ADGRB3: variants seen among roughly 807,000 people sequenced by gnomAD.
ADGRB3 encodes brain-specific angiogenesis inhibitor 3.
In ADGRB3, 37 loss-of-function variants were observed where a neutral mutation model predicts 193.4. The ratio of observed to expected loss-of-function variants is 0.19; its 90% CI spans 0.15 to 0.25. The LOEUF is 0.25. Among genes scored for constraint, ADGRB3 ranks in the 10% least tolerant of loss-of-function variants. The pLI, the probability that ADGRB3 is intolerant of heterozygous loss-of-function variation, is 1.00. For missense variants in ADGRB3, 1,637 were observed against 1,852.9 expected (o/e 0.88, Z 2.14); for synonymous variants, 690 against 644.2 (o/e 1.07, Z -1.08).
intron 15 of ADGRB3, among the ~76,000 whole-genome samples, chr6:69,051,904 T>C (rs1771405527): frequency 6.6e-6 from 1 of 151,640 alleles, no homozygotes; most frequent in Admixed American, 6.6e-5. Flanking sequence ...ATTAATTTTC[T>C]TTTTTTTTGA....
intron 3 of ADGRB3, among the ~76,000 whole-genome samples, chr6:68,746,478 T>C (rs1351432601): frequency 1.3e-5 from 2 of 152,104 alleles, no homozygotes; most frequent in African/African-American, 4.8e-5. Flanking sequence ...CTGGAATTTG[T>C]TTGAAATACA....
intron 3 of ADGRB3, among the ~76,000 whole-genome samples, chr6:68,890,275 G>A (rs1467989326): frequency 6.6e-6 from 1 of 152,148 alleles, no homozygotes; most frequent in African/African-American, 2.4e-5. Flanking sequence ...AATCACTTGA[G>A]AATTTTACTC....
chr6:69,283,414 C>T (rs1043194399), intron 20 of ADGRB3, among the ~76,000 whole-genome samples: 8 of 152,116 alleles, frequency 5.3e-5, no homozygotes, highest in Admixed American at 2.6e-4. Flanking sequence ...GATCTTTTAA[C>T]AGTTGCCATA....
intron 31 of ADGRB3, among the ~76,000 whole-genome samples, chr6:69,386,297 T>C (rs1335818730): frequency 6.6e-6 from 1 of 152,118 alleles, no homozygotes; most frequent in East Asian, 1.9e-4. Context: ...GGAGCCCCTA[T>C]ATATTCCAAG....
intron 24 of ADGRB3, among the ~76,000 whole-genome samples, chr6:69,333,582 A>C (rs184309240): frequency 3.7e-4 from 56 of 151,996 alleles, no homozygotes; most frequent in Admixed American, 3.7e-3. Context: ...TAACCTCATA[A>C]AATTTAGAAA....
chr6:68,851,062 T>C (rs375922922), intron 3 of ADGRB3, among the ~76,000 whole-genome samples: 2 of 151,970 alleles, frequency 1.3e-5, no homozygotes, highest in Non-Finnish European at 2.9e-5. Flanking sequence ...TTTTGGACAC[T>C]TGGCTTTGCT....
intron 3 of ADGRB3, among the ~76,000 whole-genome samples, chr6:68,847,511 T>TTC (rs1261349006): frequency 6.6e-6 from 1 of 152,196 alleles, no homozygotes; most frequent in African/African-American, 2.4e-5. Context: ...TCTCATGCTA[T>TTC]TCTCATGATA....
chr6:69,103,447 G>T (rs1407922569), intron 17 of ADGRB3, among the ~76,000 whole-genome samples: 1 of 152,090 alleles, frequency 6.6e-6, no homozygotes, highest in East Asian at 1.9e-4. Flanking sequence ...CATAACTAGA[G>T]TATGCCAACT....
chr6:68,898,169 A>G (rs544435272), intron 3 of ADGRB3, among the ~76,000 whole-genome samples: 4 of 151,894 alleles, frequency 2.6e-5, no homozygotes, highest in Non-Finnish European at 5.9e-5. Flanking sequence ...CCAAATCCCA[A>G]GGCCTGAGAA....
intron 17 of ADGRB3, among the ~76,000 whole-genome samples, chr6:69,178,543 G>T (rs1479439554): frequency 1.3e-5 from 2 of 152,100 alleles, no homozygotes; most frequent in Admixed American, 6.6e-5. Flanking sequence ...GCTTTATAGG[G>T]CCTATGAGTT....
chr6:69,203,334 A>G (rs1035392695), intron 17 of ADGRB3, among the ~76,000 whole-genome samples: 3 of 152,122 alleles, frequency 2.0e-5, no homozygotes, highest in African/African-American at 2.4e-5. Context: ...CATCAGCAAA[A>G]CAGGCATTGC....
At chr6:68,830,079 C>T (rs1767924597) in intron 3 of ADGRB3, among the ~76,000 whole-genome samples, 1 of 152,120 alleles carries the variant, frequency 6.6e-6, no homozygotes, top group Non-Finnish European at 1.5e-5. Flanking sequence ...TCCAAGTTTT[C>T]ACTTTCAAAA....
At chr6:69,375,802 G>T (rs978824023) in intron 30 of ADGRB3, among the ~76,000 whole-genome samples, 3 of 151,920 alleles carry the variant, frequency 2.0e-5, no homozygotes, top group African/African-American at 7.2e-5. Flanking sequence ...AATTAGCTGG[G>T]CATGGCAGTG....
chr6:69,294,629 A>T (rs763289901), intron 20 of ADGRB3, among the ~76,000 whole-genome samples: 3 of 152,164 alleles, frequency 2.0e-5, no homozygotes, highest in Non-Finnish European at 4.4e-5. Context: ...TTAAAATAAG[A>T]CTTACACATA....
At chr6:68,785,132 T>C (rs1408820488) in intron 3 of ADGRB3, among the ~76,000 whole-genome samples, 1 of 152,044 alleles carries the variant, frequency 6.6e-6, no homozygotes, top group Non-Finnish European at 1.5e-5. Context: ...AATTGATGTA[T>C]GACTGATTTT....
At chr6:68,740,476 T>G (rs770858533) in intron 3 of ADGRB3, among the ~76,000 whole-genome samples, 1 of 152,136 alleles carries the variant, frequency 6.6e-6, no homozygotes, top group South Asian at 2.1e-4. Context: ...AGAGCATCTT[T>G]AAGAAAAAAA....
At chr6:69,070,613 A>G (rs2150310804) in intron 16 of ADGRB3, among the ~76,000 whole-genome samples, 1 of 152,284 alleles carries the variant, frequency 6.6e-6, no homozygotes, top group East Asian at 1.9e-4. Context: ...GATTCTCTAA[A>G]TTTGATGTGA....
At chr6:69,108,438 A>C (rs554186236) in intron 17 of ADGRB3, among the ~76,000 whole-genome samples, 1 of 150,882 alleles carries the variant, frequency 6.6e-6, no homozygotes, top group Admixed American at 6.6e-5. Context: ...CAGAATGCCT[A>C]TACAGTGGAC....
At chr6:69,335,914 A>G (rs1000985635) in intron 24 of ADGRB3, among the ~76,000 whole-genome samples, 4 of 152,198 alleles carry the variant, frequency 2.6e-5, no homozygotes, top group Admixed American at 2.0e-4. Flanking sequence ...TATTAGAAAC[A>G]GCCAACCATA....
Sources: allele counts gnomAD v4.1 joint callset (sites outside exome capture counted in the v4.1 genomes callset), GRCh38; gene constraint gnomAD v4.1.1; transcripts MANE v1.5; gene names NCBI Gene and HGNC (gene_info 2026-07-23, HGNC 2026-07-21).